GRIN2B: variants seen among roughly 807,000 people sequenced by gnomAD.
GRIN2B encodes the protein glutamate receptor ionotropic, NMDA 2B.
GRIN2B carries 5 observed loss-of-function variants against 114.5 expected under a neutral mutation model. The observed-to-expected ratio is 0.04, with a 90% CI of 0.02 to 0.09. The LOEUF (loss-of-function observed/expected upper bound fraction) is 0.09, where lower values mean the gene tolerates loss of function less well. GRIN2B is among the 10% of genes least tolerant of loss of function. The pLI is 1.00. For missense variants in GRIN2B, 1,108 were observed against 1,943.5 expected (o/e 0.57, Z 8.08); for synonymous variants, 787 against 745.1 (o/e 1.06, Z -0.92).
At chr12:13,770,399 A>C (rs2136645076) in intron 3 of GRIN2B, among the ~76,000 whole-genome samples, 1 of 152,334 alleles carries the variant, frequency 6.6e-6, no homozygotes, top group African/African-American at 2.4e-5. Context: ...TAAGACATTA[A>C]GTTTACCCTA....
intron 3 of GRIN2B, among the ~76,000 whole-genome samples, chr12:13,832,538 G>A (rs893540521): frequency 5.9e-5 from 9 of 152,136 alleles, no homozygotes; most frequent in Admixed American, 2.0e-4. Flanking sequence ...ATAGTGTCTT[G>A]AACACAGCAG....
intron 4 of GRIN2B, among the ~76,000 whole-genome samples, chr12:13,676,333 C>A (rs1333115012): frequency 1.3e-5 from 2 of 152,028 alleles, no homozygotes; most frequent in Non-Finnish European, 2.9e-5. Context: ...TGCACATGTA[C>A]CCCAGAACTT....
intron 4 of GRIN2B, among the ~76,000 whole-genome samples, chr12:13,678,987 G>A (rs1352226945): frequency 6.7e-6 from 1 of 148,372 alleles, no homozygotes; most frequent in Non-Finnish European, 1.5e-5. Flanking sequence ...GAAAAAGGAA[G>A]AAAAGGAAAG....
chr12:13,805,211 C>G (rs986299012), intron 3 of GRIN2B, among the ~76,000 whole-genome samples: 1 of 152,126 alleles, frequency 6.6e-6, no homozygotes, highest in Non-Finnish European at 1.5e-5. Flanking sequence ...AACCAAAGCG[C>G]AGAAAGGTGC....
Position 13,539,810 on chromosome 12 carries a change from T to A in GRIN2B, c.*22973A>T, listed in dbSNP as rs1413099222. The A allele has an allele frequency of 6.6e-6, 1 of 152,190 alleles. No individual in the cohort carries two copies. Among genetic ancestry groups the A allele is most frequent in the Non-Finnish European group, 1.5e-5 (1 of 68,032 alleles). The allele number at this position is 152,190 out of a possible 1,614,324, so 9.4% of individuals were successfully genotyped here. On this transcript the variant is annotated 3_prime_UTR_variant, in exon 14 of 14. Coordinates refer to ENST00000609686, the MANE Select transcript of GRIN2B (RefSeq NM_000834.5). ...ATAGCAACTAATTGTATGGACCTTA[T>A]GACTTATGGGAAAAAAACCCACCAC...
rs1291619488 is a variant in GRIN2B at position 13,540,540 on chromosome 12, T to C, written c.*22243A>G. 7.2e-6 allele frequency: 1 copy of C among 139,348 alleles called. No homozygotes were observed. The highest frequency in any genetic ancestry group is 1.5e-5 in the Non-Finnish European group (1 of 65,576). 8.6% of individuals were successfully genotyped at this position (139,348 alleles called of 1,614,324 possible). A position where few individuals can be genotyped will look rare whatever the true frequency, so the allele number is the denominator to read the frequency against. On this transcript the variant is annotated 3_prime_UTR_variant, in exon 14 of 14. Coordinates refer to ENST00000609686, the MANE Select transcript of GRIN2B (RefSeq NM_000834.5). ...ATAAATCAAAAGAATGAAATCAACT[T>C]ATTTCTTTTGTTTAAAGGTAAGTCA... is the stretch of plus-strand genomic sequence containing the variant.
At chr12:13,577,541 C>T (rs949131966) in intron 10 of GRIN2B, among the ~76,000 whole-genome samples, 2 of 152,052 alleles carry the variant, frequency 1.3e-5, no homozygotes, top group African/African-American at 4.8e-5. Flanking sequence ...TCTTATACAG[C>T]CTGCTGGAGA....
intron 2 of GRIN2B, among the ~76,000 whole-genome samples, chr12:13,944,067 AAT>A (rs1168568165): frequency 6.6e-6 from 1 of 152,192 alleles, no homozygotes; most frequent in Admixed American, 6.5e-5. Flanking sequence ...TTGTAAAACA[AAT>A]CTAGAAAAGA....
At chr12:13,944,250 C>T (rs1003368959) in intron 2 of GRIN2B, among the ~76,000 whole-genome samples, 14 of 152,194 alleles carry the variant, frequency 9.2e-5, no homozygotes, top group Non-Finnish European at 7.3e-5. Context: ...TCTTTAACCA[C>T]ATACTGTTGA....
At chr12:13,584,966 C>T (rs1948899912) in intron 10 of GRIN2B, among the ~76,000 whole-genome samples, 2 of 152,102 alleles carry the variant, frequency 1.3e-5, no homozygotes, top group African/African-American at 4.8e-5. Flanking sequence ...AGGGATTGTT[C>T]CAGATATTTT....
In GRIN2B at chr12:13,548,231, C is replaced by A. The variant is rs1948370555; in HGVS notation, c.*14552G>T. ...ATAGGATAGCTAAGCACCCATGCCC[C>A]CTAAGGGATACTTGAAATAGGAAGA... On this transcript the variant is annotated 3_prime_UTR_variant, in exon 14 of 14. Transcript: ENST00000609686. 1 of 151,666 alleles carries A rather than the reference C, an allele frequency of 6.6e-6. No homozygotes were observed. Among genetic ancestry groups the A allele is most frequent in the Admixed American group, 6.6e-5 (1 of 15,212 alleles). 9.4% of individuals were successfully genotyped at this position (151,666 alleles called of 1,614,324 possible).
At chr12:13,854,981 T>G (rs1252525678) in intron 3 of GRIN2B, among the ~76,000 whole-genome samples, 1 of 142,442 alleles carries the variant, frequency 7.0e-6, no homozygotes, top group South Asian at 2.3e-4. Context: ...AAGGCCAAGG[T>G]GGGTGGACCA....
At chr12:13,720,486 A>C (rs188023704) in intron 4 of GRIN2B, among the ~76,000 whole-genome samples, 1 of 152,226 alleles carries the variant, frequency 6.6e-6, no homozygotes, top group African/African-American at 2.4e-5. Flanking sequence ...CCAACAGTGC[A>C]TTAAGCTAAG....
rs764171423 is a variant in GRIN2B at position 13,563,748 on chromosome 12, G to C, written c.3490C>G (p.Arg1164Gly). The part of the protein sequence containing the change: ...IYKERSDDFK[R>G]DSVSGGGPCT... ...GGCCCTCCTCCGCTGACGGAGTCGCGCTTAAAGTCATCACTCCGCTCCTTG... is the reference window on the plus strand; with the variant it reads ...GGCCCTCCTCCGCTGACGGAGTCGCCCTTAAAGTCATCACTCCGCTCCTTG... Residue 1164 changes from arginine (R) to glycine (G), a missense_variant, in exon 14 of 14, where the codon CGC (arginine) becomes GGC (glycine). Physicochemically the swap from Arg to Gly is moderately radical, Grantham distance 125. Coordinates refer to ENST00000609686, the MANE Select transcript of GRIN2B (RefSeq NM_000834.5). 6.2e-7 allele frequency: 1 copy of C among 1,613,902 alleles called. No individual in the cohort carries two copies.
chr12:13,747,672 G>T lies in GRIN2B; in HGVS notation c.1010+5645C>A, dbSNP rs147571787. 2.6e-5 allele frequency among the ~76,000 whole-genome samples: 4 copies of T among 152,238 alleles called. No homozygotes were observed. In the East Asian group the frequency reaches 5.8e-4, roughly 22 times the overall value. On this transcript the variant is annotated intron_variant, in intron 4 of 13. Coordinates refer to ENST00000609686, the MANE Select transcript of GRIN2B (RefSeq NM_000834.5). ...GAAAAGCCACTGTGCCAGCTATACCGCTTATTACTATGCATTCATGTAACC... is the reference window on the plus strand; with the variant it reads ...GAAAAGCCACTGTGCCAGCTATACCTCTTATTACTATGCATTCATGTAACC...
At chr12:13,570,606 C>T (rs536095198) in intron 11 of GRIN2B, among the ~76,000 whole-genome samples, 1 of 152,238 alleles carries the variant, frequency 6.6e-6, no homozygotes, top group South Asian at 2.1e-4. Context: ...CAGAAGAATT[C>T]AGATCTCTCA....
chr12:13,771,582 A>G (rs1256569671), intron 3 of GRIN2B, among the ~76,000 whole-genome samples: 2 of 152,160 alleles, frequency 1.3e-5, no homozygotes, highest in Non-Finnish European at 2.9e-5. Context: ...TCCAAACCTC[A>G]TTTTCCTCCA....
At chr12:13,576,419 C>T (rs900798373) in intron 10 of GRIN2B, among the ~76,000 whole-genome samples, 1 of 151,904 alleles carries the variant, frequency 6.6e-6, no homozygotes, top group Non-Finnish European at 1.5e-5. Flanking sequence ...ACAGTGAGGA[C>T]CCTGAAAAAA....
Position 13,564,200 on chromosome 12 carries a change from G to A in GRIN2B, c.3038C>T (p.Thr1013Ile), listed in dbSNP as rs202109019. Residue 1013 changes from threonine (T) to isoleucine (I), a missense_variant, in exon 14 of 14, where the codon ACC (threonine) becomes ATC (isoleucine). Around this residue, in one of 19 missense-constraint regions of GRIN2B, gnomAD observed 140 missense variants for 187.5 expected, o/e 0.75. Coordinates refer to ENST00000609686, the MANE Select transcript of GRIN2B (RefSeq NM_000834.5). The surrounding 1 kb of genome is among the most constrained non-coding windows in gnomAD (Gnocchi z 4.8). ...CTTCTTGCTGATGGACCTGGACTGGGTGGTGAAGGGTGGGTTGTCACAGTC... is the reference window on the plus strand; with the variant it reads ...CTTCTTGCTGATGGACCTGGACTGGATGGTGAAGGGTGGGTTGTCACAGTC... ...LYDCDNPPFT[T>I]QSRSISKKPL... 1.9e-6 allele frequency: 3 copies of A among 1,614,066 alleles called. No individual in the cohort carries two copies. The highest frequency in any genetic ancestry group is 2.5e-6 in the Non-Finnish European group (3 of 1,180,034).
Sources: allele counts gnomAD v4.1 joint callset (sites outside exome capture counted in the v4.1 genomes callset), GRCh38; gene constraint gnomAD v4.1.1; regional missense constraint gnomAD v4.1.1; non-coding constraint Gnocchi (gnomAD v3.1); transcripts MANE v1.5; gene names NCBI Gene and HGNC (gene_info 2026-07-23, HGNC 2026-07-21).